The following CORIN variants were observed in gnomAD, a reference collection of about 807,000 sequenced individuals.
The protein encoded by CORIN is atrial natriuretic peptide-converting enzyme.
A neutral mutation model predicts 125.3 loss-of-function variants in CORIN; 117 were observed. The observed-to-expected ratio is 0.93, with a 90% CI of 0.80 to 1.09. The LOEUF (loss-of-function observed/expected upper bound fraction) is 1.09. Ranked by LOEUF, CORIN falls within the 50% of genes least tolerant of loss-of-function variation. CORIN has a pLI of 0.00. For missense variants in CORIN, 1,253 were observed against 1,306.7 expected, an observed-to-expected ratio of 0.96 and a Z score of 0.63; for synonymous variants, 450 against 466.4, an observed-to-expected ratio of 0.96 and a Z score of 0.45.
At chr4:47,735,555 T>C (rs1728088195) in intron 5 of CORIN, among the ~76,000 whole-genome samples, 1 of 152,210 alleles carries the variant, frequency 6.6e-6, no homozygotes, top group African/African-American at 2.4e-5. Context: ...CTTCCAAGAT[T>C]AGAATATTTG....
At chr4:47,626,357 CTT>C in intron 17 of CORIN, 46 bp downstream of exon 17, 2 of 1,124,360 alleles carry the variant, frequency 1.8e-6, no homozygotes, top group Non-Finnish European at 2.7e-6. Context: ...ATGATAAACT[CTT>C]GCTCTGTAAT....
At position 47,706,781 on chromosome 4, in the gene CORIN, C is replaced by T; in HGVS notation, c.800-13698G>A. The T allele has an allele frequency of 5.6e-6, 9 of 1,598,268 alleles. No individual in the cohort carries two copies. The South Asian group carries it at 9.9e-5, about 18-fold the overall frequency. On this transcript the variant is annotated intron_variant, in intron 5 of 21. Coordinates refer to ENST00000273857, the MANE Select transcript of CORIN (RefSeq NM_006587.4). ...ATTTTTTGAGGTTATCCTCATTGATCCATTCCATAAAGCTATCAGAAGAAA... is the reference window on the plus strand; with the variant it reads ...ATTTTTTGAGGTTATCCTCATTGATTCATTCCATAAAGCTATCAGAAGAAA...
At chr4:47,644,444 A>G (rs371044678) in intron 14 of CORIN, among the ~76,000 whole-genome samples, 3 of 152,252 alleles carry the variant, frequency 2.0e-5, no homozygotes, top group African/African-American at 7.2e-5. Flanking sequence ...ATAATAAAAG[A>G]TAAATGTCTT....
chr4:47,689,109 C>T (rs1725653625), intron 6 of CORIN, among the ~76,000 whole-genome samples: 1 of 152,136 alleles, frequency 6.6e-6, no homozygotes, highest in Non-Finnish European at 1.5e-5. Context: ...CAGCTGTCCC[C>T]ACGACTTCCA....
chr4:47,604,483 A>C (rs1258853809), intron 19 of CORIN, among the ~76,000 whole-genome samples: 1 of 152,204 alleles, frequency 6.6e-6, no homozygotes, highest in Non-Finnish European at 1.5e-5. Context: ...TGGTCTATTT[A>C]ACACTCTCAG....
At chr4:47,690,965 G>A (rs570856009) in intron 6 of CORIN, among the ~76,000 whole-genome samples, 3 of 152,120 alleles carry the variant, frequency 2.0e-5, no homozygotes, top group East Asian at 1.9e-4. Flanking sequence ...TTTCCCCAAC[G>A]GACCAAAAGA....
intron 3 of CORIN, among the ~76,000 whole-genome samples, chr4:47,769,929 GA>G (rs766521573): frequency 2.6e-5 from 4 of 152,050 alleles, no homozygotes; most frequent in Admixed American, 6.6e-5. Context: ...TACATAGGGG[GA>G]AAGCTCAGTG....
intron 4 of CORIN, among the ~76,000 whole-genome samples, chr4:47,745,674 G>T (rs1728632443): frequency 6.6e-6 from 1 of 152,080 alleles, no homozygotes; most frequent in Non-Finnish European, 1.5e-5. Flanking sequence ...CTCTTCTAAG[G>T]ACCTAATAGT....
intron 13 of CORIN, among the ~76,000 whole-genome samples, chr4:47,650,971 C>T (rs953595651): frequency 3.3e-5 from 5 of 152,136 alleles, no homozygotes; most frequent in Non-Finnish European, 5.9e-5. Context: ...GCCTCAACAG[C>T]AAAAATCTAC....
intron 3 of CORIN, among the ~76,000 whole-genome samples, chr4:47,785,104 C>T (rs1203856470): frequency 6.6e-6 from 1 of 152,126 alleles, no homozygotes; most frequent in Non-Finnish European, 1.5e-5. Context: ...GAGAGAAACA[C>T]ACAAGAAAAT....
chr4:47,594,013 C>A lies in CORIN; in HGVS notation c.*1708G>T, dbSNP rs1721161899. The A allele has an allele frequency of 6.6e-6, 1 of 151,142 alleles. No homozygotes were observed. Among genetic ancestry groups the A allele is most frequent in the Admixed American group, 6.6e-5 (1 of 15,120 alleles). The allele number at this position is 151,142 out of a possible 1,614,324, so 9.4% of individuals were successfully genotyped here. ...AAAAAAAAGGTGATTAGACCATTAC[C>A]ATTTTATTTGTATTAAGAATTATTT... On this transcript the variant is annotated 3_prime_UTR_variant, in exon 22 of 22. Transcript: ENST00000273857.
At chr4:47,639,543 A>G (rs1407235804) in intron 16 of CORIN, among the ~76,000 whole-genome samples, 1 of 152,242 alleles carries the variant, frequency 6.6e-6, no homozygotes, top group African/African-American at 2.4e-5. Context: ...CAAGTTTTTG[A>G]TGCAGAATAT....
intron 3 of CORIN, among the ~76,000 whole-genome samples, chr4:47,780,025 C>T (rs1428078835): frequency 6.6e-6 from 1 of 152,030 alleles, no homozygotes; most frequent in African/African-American, 2.4e-5. Flanking sequence ...AAAGTGAATT[C>T]CCATTATTGG....
intron 16 of CORIN, among the ~76,000 whole-genome samples, chr4:47,636,278 G>C (rs1723022907): frequency 6.6e-6 from 1 of 152,166 alleles, no homozygotes; most frequent in Non-Finnish European, 1.5e-5. Context: ...TTTAGATAAA[G>C]CTTGTGGAGC....
At chr4:47,730,745 C>T (rs1002512445) in intron 5 of CORIN, among the ~76,000 whole-genome samples, 1 of 152,330 alleles carries the variant, frequency 6.6e-6, no homozygotes, top group Non-Finnish European at 1.5e-5. Context: ...CGCAGTTGTG[C>T]AATGCAGCAA....
At chr4:47,717,181 T>C (rs1299495691) in intron 5 of CORIN, among the ~76,000 whole-genome samples, 1 of 152,222 alleles carries the variant, frequency 6.6e-6, no homozygotes, top group African/African-American at 2.4e-5. Context: ...TATTTTCCAA[T>C]GTAACATCCT....
intron 16 of CORIN, among the ~76,000 whole-genome samples, chr4:47,631,597 T>G (rs1722808901): frequency 6.6e-6 from 1 of 152,120 alleles, no homozygotes; most frequent in African/African-American, 2.4e-5. Flanking sequence ...TTATATATTA[T>G]AATGTAATAA....
intron 3 of CORIN, among the ~76,000 whole-genome samples, chr4:47,783,085 G>C (rs950071842): frequency 6.6e-6 from 1 of 152,056 alleles, no homozygotes; most frequent in African/African-American, 2.4e-5. Flanking sequence ...CTCCTCATCA[G>C]AGTTACTAGG....
chr4:47,632,386 T>C (rs1228589113), intron 16 of CORIN: 1 of 152,196 alleles, frequency 6.6e-6, no homozygotes, highest in African/African-American at 2.4e-5. Flanking sequence ...ACTTGAAACA[T>C]TTATACTAAA....
Sources: allele counts gnomAD v4.1 joint callset (sites outside exome capture counted in the v4.1 genomes callset), GRCh38; gene constraint gnomAD v4.1.1; transcripts MANE v1.5; gene names NCBI Gene and HGNC (gene_info 2026-07-23, HGNC 2026-07-21).